The following MSLN variants were observed in gnomAD, a reference collection of about 807,000 sequenced individuals.
The protein encoded by MSLN is CAK1 antigen.
In MSLN, 82 loss-of-function variants were observed where a neutral mutation model predicts 72.6. The ratio of observed to expected loss-of-function variants is 1.13; its 90% CI spans 0.94 to 1.36. MSLN has a LOEUF of 1.36. MSLN is among the 40% of genes most tolerant of loss of function. The pLI is 0.00. For synonymous variants in MSLN, 456 were observed against 387.3 expected, an observed-to-expected ratio of 1.18 and a Z score of -2.08; for missense variants, 1,005 against 847.9, an observed-to-expected ratio of 1.19 and a Z score of -2.30.
rs2041622646 is a variant in MSLN at position 766,943 on chromosome 16, C to T, written c.1432C>T (p.Pro478Ser). 4 of 1,612,674 alleles carry T rather than the reference C, an allele frequency of 2.5e-6. No individual in the cohort carries two copies. Among genetic ancestry groups the T allele is most frequent in the African/African-American group, 1.3e-5 (1 of 75,052 alleles). Residue 478 changes from proline (P) to serine (S), a missense_variant, in exon 15 of 18, where the codon CCC becomes TCC. Transcript: ENST00000545450. Reference sequence around the variant, plus strand: ...CCCAAGGCAGCTGGACGTCCTCTATCCCAAGGCCCGCCTTGCTTTCCAGAA... The same window carrying T: ...CCCAAGGCAGCTGGACGTCCTCTATTCCAAGGCCCGCCTTGCTTTCCAGAA... ...CDPRQLDVLY[P>S]KARLAFQNMN...
Position 768,386 on chromosome 16 carries a change from C to A in MSLN, c.1604C>A (p.Thr535Asn). ...GCCCGGGGTCTCTGGCAGCCGTTGA[C>A]TGTGGCTGAGGTGCAGAAACTTCTG... is the stretch of plus-strand genomic sequence containing the variant. ...KLRTDAVLPL[T>N]VAEVQKLLGP... is the part of the protein sequence containing the mutation. Residue 535 changes from threonine to asparagine, a missense_variant, in exon 17 of 18, where the codon ACT becomes AAT. Physicochemically the swap from Thr to Asn is moderately conservative, Grantham distance 65 (BLOSUM62 0). Transcript: ENST00000545450. 1 of 1,506,290 alleles carries A rather than the reference C, an allele frequency of 6.6e-7. No individual in the cohort carries two copies. The highest frequency in any genetic ancestry group is 8.9e-7 in the Non-Finnish European group (1 of 1,126,330). 93.3% of individuals were successfully genotyped at this position (1,506,290 alleles called of 1,614,324 possible).
chr16:764,610 C>T (rs757106116), intron 6 of MSLN, 37 bp from the exon 7 acceptor site: 2 of 1,581,216 alleles, frequency 1.3e-6, no homozygotes. Context: ...TGAGTGGCGG[C>T]TCGAAACGCT....
chr16:763,147 C>A, intron 3 of MSLN, 86 bp from the exon 4 acceptor site: 1 of 893,548 alleles, frequency 1.1e-6, no homozygotes, highest in Admixed American at 2.6e-5. Context: ...GTGGGGGCGG[C>A]CAGGCTCTGC....
intron 16 of MSLN, 92 bp from the exon 17 acceptor site, chr16:768,287 T>G: frequency 7.6e-7 from 1 of 1,322,430 alleles, no homozygotes; most frequent in Admixed American, 2.9e-5. Flanking sequence ...CATCTGTGGG[T>G]GGGGCAGTTT....
chr16:767,034 C>A (rs1339616399), intron 15 of MSLN, 22 bp downstream of exon 15: 1 of 1,454,120 alleles, frequency 6.9e-7, no homozygotes, highest in South Asian at 1.2e-5. Context: ...AGTCCCTGGC[C>A]AGGGTGGGCA....
In MSLN at chr16:768,444, G is replaced by A. The variant is rs777181025; in HGVS notation, c.1662G>A (p.Glu554=). Residue 554 remains glutamate, a synonymous_variant, in exon 17 of 18, where the codon GAG becomes GAA. Transcript: ENST00000545450. ...GPHVEGLKAE[E]RHRPVRDWIL... ...ACGTGGAGGGCCTGAAGGCGGAGGAGCGGCACCGCCCGGTGCGGGACTGGA... is the reference window on the plus strand; with the variant it reads ...ACGTGGAGGGCCTGAAGGCGGAGGAACGGCACCGCCCGGTGCGGGACTGGA... 6.5e-7 allele frequency: 1 copy of A among 1,529,626 alleles called. No homozygotes were observed. The highest frequency in any genetic ancestry group is 1.2e-5 in the South Asian group (1 of 80,066). 94.8% of individuals were successfully genotyped at this position (1,529,626 alleles called of 1,614,324 possible).
Position 763,552 on chromosome 16 carries a change from G to A in MSLN, c.130-90G>A, listed in dbSNP as rs2041562894. 5 of 1,308,670 alleles carry A rather than the reference G, an allele frequency of 3.8e-6. No individual in the cohort carries two copies. In the Admixed American group the frequency reaches 1.2e-4, roughly 31 times the overall value. 81.1% of individuals were successfully genotyped at this position (1,308,670 alleles called of 1,614,324 possible). A position where few individuals can be genotyped will look rare whatever the true frequency, so the allele number is the denominator to read the frequency against. On this transcript the variant is annotated intron_variant, in intron 4 of 17. Coordinates refer to ENST00000545450, the MANE Select transcript of MSLN (RefSeq NM_005823.6). ...CAGGCCTGGGAAGTAGCTGAACTCG[G>A]GGAGTACCTGGCCCAGGGGTAGCGG...
chr16:763,310 T>C (rs1291826666), intron 4 of MSLN, 34 bp downstream of exon 4: 2 of 1,511,504 alleles, frequency 1.3e-6, no homozygotes, highest in Middle Eastern at 1.7e-4. Context: ...GGGGAGGGTC[T>C]TCAGGTCCCA....
rs769685322 is a variant in MSLN, at chr16:766,656, C to G, written c.1231-12C>G. ...TCCTTGCCACAAGGCTCCTCGGCGG[C>G]CCCTCCCACAGGTGGCCACCCTGAT... On this transcript the variant is annotated splice_polypyrimidine_tract_variant and intron_variant, in intron 13 of 17. Transcript: ENST00000545450. 15 of 1,612,084 alleles carry G rather than the reference C, an allele frequency of 9.3e-6. No homozygotes were observed. Among genetic ancestry groups the G allele is most frequent in the Non-Finnish European group, 1.3e-5 (15 of 1,179,818 alleles).
At chr16:764,285 C>G in intron 6 of MSLN, 142 bp downstream of exon 6, 1 of 1,270,144 alleles carries the variant, frequency 7.9e-7, no homozygotes, top group Non-Finnish European at 1.1e-6. Context: ...CAGAGTTCCT[C>G]TGGCCACCCA....
In MSLN at chr16:768,705, C is replaced by T. The variant is rs752966567; in HGVS notation, c.1841C>T (p.Ala614Val). 1.1e-5 allele frequency: 17 copies of T among 1,610,996 alleles called. No individual in the cohort carries two copies. The Admixed American group carries it at 1.7e-4, about 16-fold the overall frequency. ...CCTGGACCTGTTCTCACCGTCCTGG[C>T]ACTGCTCCTAGCCTCCACCCTGGCC... ...LGPGPVLTVL[A>V]LLLASTLA Residue 614 changes from alanine (A) to valine (V), a missense_variant, in exon 18 of 18, where the codon GCA becomes GTA. Coordinates refer to ENST00000545450, the MANE Select transcript of MSLN (RefSeq NM_005823.6).
rs2041550426 is a variant in MSLN at position 762,664 on chromosome 16, C to T, written c.-9-8C>T. 1 of 1,607,322 alleles carries T rather than the reference C, an allele frequency of 6.2e-7. No homozygotes were observed. The highest frequency in any genetic ancestry group is 1.7e-5 in the Admixed American group (1 of 59,946). ...GGGGGTCCCATCCTGAGTCACTGCC[C>T]TCCACAGACACAGACCATGGCCTTG... On this transcript the variant is annotated splice_region_variant and splice_polypyrimidine_tract_variant and intron_variant, in intron 2 of 17. Coordinates refer to ENST00000545450, the MANE Select transcript of MSLN (RefSeq NM_005823.6).
At chr16:765,666 C>A (rs2041597338) in intron 10 of MSLN, 25 bp from the exon 11 acceptor site, 1 of 1,599,100 alleles carries the variant, frequency 6.3e-7, no homozygotes, top group Non-Finnish European at 8.5e-7. Context: ...ACCCGAGGCT[C>A]AGCCCAGGTC....
intron 5 of MSLN, 65 bp from the exon 6 acceptor site, chr16:763,958 G>A: frequency 6.3e-7 from 1 of 1,580,444 alleles, no homozygotes; most frequent in Non-Finnish European, 8.5e-7. Context: ...TGGGGCTTGG[G>A]GAGCACTGGG....
chr16:766,213 C>T lies in MSLN; in HGVS notation c.1050C>T (p.Asp350=), dbSNP rs772391015. The change falls in exon 12 of 18, where the codon GAC becomes GAT. Residue 350 remains aspartate, a synonymous_variant. Transcript: ENST00000545450. ...NAIPFTYEQL[D]VLKHKLDELY... is the part of the protein sequence containing the mutation. ...TCCCCTTCACCTACGAGCAGCTGGA[C>T]GTCCTAAAGCATAAACTGGATGAGG... 2.5e-5 allele frequency: 41 copies of T among 1,611,394 alleles called. No homozygotes were observed. In the Admixed American group the frequency reaches 2.8e-4, roughly 11 times the overall value.
chr16:760,916 C>G (rs1232934962), intron 1 of MSLN, 95 bp downstream of exon 1: 2 of 152,304 alleles, frequency 1.3e-5, no homozygotes, highest in African/African-American at 4.8e-5. Context: ...TGGGGGCTGC[C>G]CGGGCGTTAG....
At chr16:764,560 T>G in intron 6 of MSLN, 87 bp from the exon 7 acceptor site, 1 of 1,089,928 alleles carries the variant, frequency 9.2e-7, no homozygotes, top group Non-Finnish European at 1.4e-6. Flanking sequence ...AGGGGTGTGT[T>G]GTGGTGGGCA....
At chr16:763,318 C>T (rs773857905) in intron 4 of MSLN, 42 bp downstream of exon 4, 3 of 1,468,072 alleles carry the variant, frequency 2.0e-6, no homozygotes, top group Non-Finnish European at 2.8e-6. Flanking sequence ...TCTTCAGGTC[C>T]CAGGTGGGGG....
At chr16:761,347 C>CG (rs1379198105) in intron 2 of MSLN, among the ~76,000 whole-genome samples, 173 bp downstream of exon 2, 1 of 152,234 alleles carries the variant, frequency 6.6e-6, no homozygotes, top group Non-Finnish European at 1.5e-5. Flanking sequence ...TGTTTGGAAG[C>CG]GGCAGTCCTA....
Sources: allele counts gnomAD v4.1 joint callset (sites outside exome capture counted in the v4.1 genomes callset), GRCh38; gene constraint gnomAD v4.1.1; transcripts MANE v1.5; gene names NCBI Gene and HGNC (gene_info 2026-07-23, HGNC 2026-07-21).